The following PTPRG variants were observed in gnomAD, a reference collection of about 807,000 sequenced individuals.
PTPRG encodes the protein protein tyrosine phosphatase receptor type G, also known as receptor-type tyrosine-protein phosphatase gamma.
In PTPRG, 102 loss-of-function variants were observed where a neutral mutation model predicts 165.3. That is an observed-to-expected ratio of 0.62 (90% CI 0.53 to 0.73). The LOEUF (loss-of-function observed/expected upper bound fraction) is 0.73. Ranked by LOEUF, PTPRG falls within the 30% of genes least tolerant of loss-of-function variation. The pLI is 0.00. For synonymous variants in PTPRG, 675 were observed against 669.5 expected, an observed-to-expected ratio of 1.01 and a Z score of -0.13; for missense variants, 1,866 against 1,861.4, an observed-to-expected ratio of 1.00 and a Z score of -0.05.
intron 2 of PTPRG, among the ~76,000 whole-genome samples, chr3:61,887,172 T>TATATATATATA (rs1559670290): frequency 1.9e-5 from 2 of 105,056 alleles, no homozygotes; most frequent in African/African-American, 3.3e-5. Context: ...ATATATATAT[T>TATATATATATA]TTTAATGCCA....
At chr3:62,012,685 C>G (rs551988400) in intron 4 of PTPRG, among the ~76,000 whole-genome samples, 3 of 152,014 alleles carry the variant, frequency 2.0e-5, no homozygotes, top group Non-Finnish European at 4.4e-5. Context: ...TGTGGAATTT[C>G]CCACTTGTGG....
rs775360010 is a variant in PTPRG, at chr3:62,255,265, A to G, written c.2559+50A>G. 6.9e-7 allele frequency: 1 copy of G among 1,456,220 alleles called. No individual in the cohort carries two copies. Among genetic ancestry groups the G allele is most frequent in the African/African-American group, 1.4e-5 (1 of 70,204 alleles). The allele number at this position is 1,456,220 out of a possible 1,614,324, so 90.2% of individuals were successfully genotyped here. A position where few individuals can be genotyped will look rare whatever the true frequency, so the allele number is the denominator to read the frequency against. On this transcript the variant is annotated intron_variant, in intron 16 of 29. Coordinates refer to ENST00000474889, the MANE Select transcript of PTPRG (RefSeq NM_002841.4). This position sits in a 1 kb window ranked among gnomAD's most constrained non-coding sequence, Gnocchi z 4.0. ...CTTCCAGAAACCTAAGTCTTACTTT[A>G]TGCAGATTTTTGTAAACTTGAACTG...
At chr3:61,623,372 T>C (rs1032403915) in intron 1 of PTPRG, among the ~76,000 whole-genome samples, 4 of 152,008 alleles carry the variant, frequency 2.6e-5, no homozygotes, top group African/African-American at 9.7e-5. Flanking sequence ...CAGAGGAAAG[T>C]TGGGGGACTA....
chr3:61,888,232 C>CGTCT, intron 2 of PTPRG, among the ~76,000 whole-genome samples: 1 of 150,324 alleles, frequency 6.7e-6, no homozygotes, highest in East Asian at 2.0e-4. Flanking sequence ...TCTGTCTGTC[C>CGTCT]GTCTGTGTGT....
At chr3:61,927,743 A>G (rs2039258755) in intron 2 of PTPRG, among the ~76,000 whole-genome samples, 1 of 152,156 alleles carries the variant, frequency 6.6e-6, no homozygotes, top group South Asian at 2.1e-4. Flanking sequence ...CTGCTTTATA[A>G]AATTGAGGCC....
intron 2 of PTPRG, among the ~76,000 whole-genome samples, chr3:61,901,533 A>G (rs1453067503): frequency 6.6e-6 from 1 of 152,254 alleles, no homozygotes; most frequent in Admixed American, 6.5e-5. Context: ...CTATAAATCC[A>G]AAGGTGAATT....
chr3:61,610,758 C>CCTCT (rs900394275), intron 1 of PTPRG, among the ~76,000 whole-genome samples: 3 of 125,320 alleles, frequency 2.4e-5, no homozygotes, highest in Admixed American at 7.9e-5. Flanking sequence ...TGCCTCCCTC[C>CCTCT]CTCCCTCCCT....
intron 1 of PTPRG, among the ~76,000 whole-genome samples, chr3:61,612,179 G>A (rs1006383505): frequency 6.6e-6 from 1 of 152,168 alleles, no homozygotes; most frequent in Non-Finnish European, 1.5e-5. Context: ...CTGACCTCAG[G>A]TGATCCACCT....
chr3:62,123,720 G>A (rs1231750480), intron 5 of PTPRG, among the ~76,000 whole-genome samples: 1 of 152,062 alleles, frequency 6.6e-6, no homozygotes, highest in African/African-American at 2.4e-5. Flanking sequence ...TAATTAAAGA[G>A]TTAACAAGGT....
At chr3:61,940,694 C>G (rs544044271) in intron 2 of PTPRG, among the ~76,000 whole-genome samples, 1 of 148,620 alleles carries the variant, frequency 6.7e-6, no homozygotes, top group Non-Finnish European at 1.5e-5. Context: ...GACAGAGTCT[C>G]GCTCTGTTGG....
At chr3:61,895,781 C>T (rs375712353) in intron 2 of PTPRG, among the ~76,000 whole-genome samples, 2 of 152,192 alleles carry the variant, frequency 1.3e-5, no homozygotes, top group Admixed American at 6.5e-5. Flanking sequence ...AGTTGGTTCT[C>T]TTTAAAAATT....
At chr3:62,002,700 G>C (rs77699189) in intron 3 of PTPRG, among the ~76,000 whole-genome samples, 13,795 of 152,134 alleles carry the variant, frequency 0.091, 1,034 homozygotes, top group African/African-American at 0.19. Flanking sequence ...TTGCTTGAAA[G>C]TAAAAGAAAC....
chr3:61,874,736 A>G (rs2037677759), intron 2 of PTPRG, among the ~76,000 whole-genome samples: 1 of 152,194 alleles, frequency 6.6e-6, no homozygotes, highest in African/African-American at 2.4e-5. Flanking sequence ...AACATAAAGC[A>G]CAGGACAGTC....
intron 1 of PTPRG, among the ~76,000 whole-genome samples, chr3:61,694,736 G>T (rs1178372830): frequency 6.6e-6 from 1 of 152,176 alleles, no homozygotes; most frequent in Non-Finnish European, 1.5e-5. Context: ...AAGAAAGGAA[G>T]CTCTGCATGT....
At chr3:62,267,532 T>C in intron 18 of PTPRG, 40 bp downstream of exon 18, 1 of 1,561,036 alleles carries the variant, frequency 6.4e-7, no homozygotes, top group Non-Finnish European at 8.8e-7. Flanking sequence ...TTCTAGAAAT[T>C]GAAGACTGCA....
chr3:61,616,012 A>G lies in PTPRG; in HGVS notation c.85+53640A>G, dbSNP rs190034516. 1.2e-3 allele frequency among the ~76,000 whole-genome samples: 180 copies of G among 152,300 alleles called. 1 individual carries two copies. Among genetic ancestry groups the G allele is most frequent in the Non-Finnish European group, 2.1e-3 (144 of 68,022 alleles). On this transcript the variant is annotated intron_variant, in intron 1 of 29. Transcript: ENST00000474889. The stretch of plus-strand genomic sequence containing the variant: ...TGTTCCCAGGCTGGAGTGCAGTGGC[A>G]CAATCTCGGCTCACTGCAACCTCCG...
At chr3:62,264,970 A>C (rs1195925901) in intron 17 of PTPRG, among the ~76,000 whole-genome samples, 2 of 152,140 alleles carry the variant, frequency 1.3e-5, no homozygotes, top group East Asian at 3.9e-4. Flanking sequence ...TAAAAAAAAA[A>C]AAAAAACAGC....
intron 1 of PTPRG, among the ~76,000 whole-genome samples, chr3:61,708,661 G>A (rs1300438547): frequency 6.6e-6 from 1 of 151,760 alleles, no homozygotes; most frequent in Non-Finnish European, 1.5e-5. Flanking sequence ...GTTTCACTGT[G>A]TTAGCCAGGA....
At chr3:61,585,258 G>A (rs535663398) in intron 1 of PTPRG, among the ~76,000 whole-genome samples, 22 of 147,116 alleles carry the variant, frequency 1.5e-4, no homozygotes, top group Middle Eastern at 3.6e-3. Context: ...TCCAGCCTGG[G>A]CAACAGAGGG....
Sources: gnomAD v4.1 joint callset for allele counts (sites outside exome capture counted in the v4.1 genomes callset) on GRCh38, gnomAD v4.1.1 for gene constraint, Gnocchi (gnomAD v3.1) non-coding constraint, MANE v1.5 for transcripts, NCBI Gene and HGNC (gene_info 2026-07-23, HGNC 2026-07-21) for gene names.